Variants in PLS3 observed in about 807,000 individuals in gnomAD.
PLS3 encodes plastin 3, also known as plastin-3.
Under a neutral mutation model 46.5 loss-of-function variants are expected in PLS3, and 11 were observed. That is an observed-to-expected ratio of 0.24 (90% CI 0.15 to 0.39). The LOEUF (loss-of-function observed/expected upper bound fraction) is 0.39, where lower values mean the gene tolerates loss of function less well. Among genes scored for constraint, PLS3 ranks in the 10% least tolerant of loss-of-function variants. The pLI is 1.00. For synonymous variants in PLS3, 167 were observed against 162.2 expected (o/e 1.03, Z -0.22); for missense variants, 308 against 461.8 (o/e 0.67, Z 3.05).
Position 115,610,265 on chromosome X carries a change from T to C in PLS3, c.15T>C (p.Ala5=), listed in dbSNP as rs781910672. 14 of 1,161,477 alleles carry C rather than the reference T, an allele frequency of 1.2e-5. No homozygotes were observed. Among genetic ancestry groups the C allele is most frequent in the South Asian group, 6.0e-5 (3 of 50,049 alleles). MDEM[A]TTQISKDELD... ...TAGATCTTTAAATGGATGAGATGGC[T>C]ACCACTCAGATTTCCAAAGATGAGC... Residue 5 remains alanine (A), a synonymous_variant, in exon 2 of 16, where the codon GCT becomes GCC. Coordinates refer to ENST00000355899, the MANE Select transcript of PLS3 (RefSeq NM_005032.7).
intron 1 of PLS3, among the ~76,000 whole-genome samples, chrX:115,603,171 T>C (rs1215300904): frequency 1.8e-5 from 2 of 111,775 alleles, no homozygotes; most frequent in Non-Finnish European, 3.8e-5. Flanking sequence ...GTTTCATAAT[T>C]GCAGTATTGT....
In PLS3 at chrX:115,648,068, A is replaced by G. The variant is rs142447494; in HGVS notation, c.1760+51A>G. 380 of 965,949 alleles carry G rather than the reference A, an allele frequency of 3.9e-4. 1 individual carries two copies. In the African/African-American group the frequency reaches 6.2e-3, roughly 16 times the overall value. 79.6% of individuals were successfully genotyped at this position (965,949 alleles called of 1,213,427 possible). On this transcript the variant is annotated intron_variant, in intron 15 of 15. Transcript: ENST00000355899. ...AAAGAACGCAGCTTTGTAGCTGGAC[A>G]GATCTGAATTCTAATTCAGGTTCTG... is the stretch of plus-strand genomic sequence containing the variant.
chrX:115,636,471 G>A (rs2074837790), intron 7 of PLS3, among the ~76,000 whole-genome samples: 1 of 111,523 alleles, frequency 9.0e-6, no homozygotes, highest in Middle Eastern at 4.7e-3. Context: ...CTCCCAAAGT[G>A]CTGGGATTAC....
chrX:115,571,180 A>T (rs2074213277), intron 1 of PLS3, among the ~76,000 whole-genome samples: 1 of 110,347 alleles, frequency 9.1e-6, no homozygotes, highest in Admixed American at 9.6e-5. Context: ...GGCGTGAGCC[A>T]CTGAACCCTG....
At chrX:115,645,133 G>T (rs376480136) in intron 11 of PLS3, 34 bp downstream of exon 11, 89 of 768,232 alleles carry the variant, frequency 1.2e-4, no homozygotes, top group Non-Finnish European at 1.6e-4. Context: ...AAACAGTTAC[G>T]AATGTCATGA....
intron 2 of PLS3, among the ~76,000 whole-genome samples, chrX:115,611,487 T>C (rs2074548253): frequency 9.0e-6 from 1 of 111,428 alleles, no homozygotes. Flanking sequence ...TCAAAATGAC[T>C]CTCATTCAGT....
chrX:115,582,381 A>C (rs1436560523), intron 1 of PLS3, among the ~76,000 whole-genome samples: 1 of 112,351 alleles, frequency 8.9e-6, no homozygotes, highest in East Asian at 2.8e-4. Context: ...CAGATTGCCA[A>C]ATAAAACACC....
At chrX:115,642,458 C>A (rs1342831528) in intron 9 of PLS3, among the ~76,000 whole-genome samples, 1 of 111,495 alleles carries the variant, frequency 9.0e-6, no homozygotes, top group South Asian at 3.8e-4. Context: ...TCTGTCTTCT[C>A]CCTCAGCCAG....
chrX:115,614,909 A>G (rs1187634166), intron 2 of PLS3, among the ~76,000 whole-genome samples: 1 of 111,765 alleles, frequency 8.9e-6, no homozygotes, highest in Non-Finnish European at 1.9e-5. Flanking sequence ...TTAAGTCCTA[A>G]TGAGCACTGT....
intron 2 of PLS3, chrX:115,614,169 C>T (rs2074574582): frequency 6.8e-6 from 1 of 146,613 alleles, no homozygotes; most frequent in Non-Finnish European, 1.2e-5. Flanking sequence ...CGGAGTTTCA[C>T]CGTGTTAGCC....
intron 5 of PLS3, among the ~76,000 whole-genome samples, chrX:115,630,766 CATAT>C (rs72471382): frequency 1.1e-5 from 1 of 91,575 alleles, no homozygotes; most frequent in South Asian, 4.5e-4. Flanking sequence ...ATTTTATACA[CATAT>C]ATACAAAATA....
chrX:115,585,626 G>A (rs1336805061), intron 1 of PLS3, among the ~76,000 whole-genome samples: 2 of 110,707 alleles, frequency 1.8e-5, no homozygotes, highest in African/African-American at 6.6e-5. Flanking sequence ...TCCTGACCTC[G>A]TGATTTGCCC....
chrX:115,630,686 A>AATATATACATATATATGTAT (rs1200742676), intron 5 of PLS3, among the ~76,000 whole-genome samples: 13 of 97,106 alleles, frequency 1.3e-4, no homozygotes, highest in African/African-American at 3.1e-4. Flanking sequence ...ATATATATAA[A>AATATATACATATATATGTAT]ATATATACAT....
At chrX:115,627,832 G>C (rs1291478214) in intron 3 of PLS3, among the ~76,000 whole-genome samples, 1 of 111,830 alleles carries the variant, frequency 8.9e-6, no homozygotes, top group Non-Finnish European at 1.9e-5. Flanking sequence ...TCACAGGTAT[G>C]GAAATACTGA....
Position 115,646,473 on chromosome X carries a change from G to A in PLS3, c.1449G>A (p.Gly483=), listed in dbSNP as rs1556641715. 1 of 1,210,501 alleles carries A rather than the reference G, an allele frequency of 8.3e-7. No individual in the cohort carries two copies. The highest frequency in any genetic ancestry group is 1.8e-5 in the South Asian group (1 of 56,955). Residue 483 remains glycine (G), a synonymous_variant, in exon 13 of 16, where the codon GGG becomes GGA. Transcript: ENST00000355899. Reference sequence around the variant, plus strand: ...AATTCTCCCTGGTTGGCATTGGAGGGCAAGACCTGAATGATGGGAACCAAA... The same window carrying A: ...AATTCTCCCTGGTTGGCATTGGAGGACAAGACCTGAATGATGGGAACCAAA... ...PAKFSLVGIG[G]QDLNDGNQTL...
chrX:115,627,316 G>A (rs1040250003), intron 3 of PLS3, among the ~76,000 whole-genome samples: 1 of 112,399 alleles, frequency 8.9e-6, no homozygotes, highest in African/African-American at 3.2e-5. Flanking sequence ...TCTTGAAGCA[G>A]AAGCACTCGT....
intron 8 of PLS3, among the ~76,000 whole-genome samples, chrX:115,638,709 T>C (rs910540225): frequency 1.0e-5 from 1 of 97,867 alleles, no homozygotes. Context: ...TTTTAAATTA[T>C]TTTTTGTTTA....
chrX:115,633,306 G>T (rs1342725663), intron 5 of PLS3, among the ~76,000 whole-genome samples: 3 of 109,322 alleles, frequency 2.7e-5, no homozygotes, highest in Non-Finnish European at 3.8e-5. Context: ...GACTAGCTGG[G>T]ACTACAGGTG....
At chrX:115,568,988 A>T (rs2074195371) in intron 1 of PLS3, among the ~76,000 whole-genome samples, 1 of 107,026 alleles carries the variant, frequency 9.3e-6, no homozygotes, top group Admixed American at 1.0e-4. Flanking sequence ...GTGAGCCAAG[A>T]TTGCACCACT....
Sources: allele counts gnomAD v4.1 joint callset (sites outside exome capture counted in the v4.1 genomes callset), GRCh38; gene constraint gnomAD v4.1.1; transcripts MANE v1.5; gene names NCBI Gene and HGNC (gene_info 2026-07-23, HGNC 2026-07-21).